Variants in THADA observed in about 807,000 individuals in gnomAD.
The protein encoded by THADA is THADA armadillo repeat containing, also known as tRNA (32-2'-O)-methyltransferase regulator THADA.
In THADA, 213 loss-of-function variants were observed where a neutral mutation model predicts 219.8. The observed-to-expected ratio is 0.97, with a 90% CI of 0.87 to 1.09. The LOEUF (loss-of-function observed/expected upper bound fraction) is 1.09, where lower values mean the gene tolerates loss of function less well. Among genes scored for constraint, THADA ranks in the 50% least tolerant of loss-of-function variants. The pLI, the probability that THADA is intolerant of heterozygous loss-of-function variation, is 0.00. For synonymous variants in THADA, 1,018 were observed against 828.9 expected (o/e 1.23, Z -3.92); for missense variants, 2,956 against 2,311.3 (o/e 1.28, Z -5.72).
intron 16 of THADA, among the ~76,000 whole-genome samples, chr2:43,559,336 T>C (rs1296745577): frequency 6.6e-6 from 1 of 152,154 alleles, no homozygotes; most frequent in Admixed American, 6.6e-5. Context: ...AGATAGATGT[T>C]CTACATAGCC....
At chr2:43,332,111 A>T (rs911348409) in intron 30 of THADA, among the ~76,000 whole-genome samples, 5 of 152,174 alleles carry the variant, frequency 3.3e-5, no homozygotes, top group Admixed American at 3.3e-4. Flanking sequence ...TTTGAGACAG[A>T]ATCTTGCTCT....
rs1558527804 is a variant in THADA at position 43,291,473 on chromosome 2, A to AAAAAAAAAAAAAAAAAAAAAAAC, written c.5010+222_5010+223insGTTTTTTTTTTTTTTTTTTTTTT. ...CCATCTCAAAAAAAAAAAAAAAAAA[A>AAAAAAAAAAAAAAAAAAAAAAAC]AAAAAAAAATCCTAAAACAAGAGAA... On this transcript the variant is annotated intron_variant, in intron 34 of 37. Coordinates refer to ENST00000405975, the MANE Select transcript of THADA (RefSeq NM_022065.5). Among the ~76,000 whole-genome samples, 10 of 146,852 alleles carry AAAAAAAAAAAAAAAAAAAAAAAC rather than the reference A, an allele frequency of 6.8e-5. 1 individual carries two copies. The highest frequency in any genetic ancestry group is 2.3e-4 in the African/African-American group (9 of 39,596).
At chr2:43,232,036 T>A (rs942210864) in intron 37 of THADA, among the ~76,000 whole-genome samples, 1 of 152,152 alleles carries the variant, frequency 6.6e-6, no homozygotes, top group Non-Finnish European at 1.5e-5. Flanking sequence ...AGCAGGAAGT[T>A]CCCAGCAAAG....
At chr2:43,274,501 T>C (rs1312789580) in intron 36 of THADA, among the ~76,000 whole-genome samples, 6 of 152,068 alleles carry the variant, frequency 3.9e-5, no homozygotes, top group Admixed American at 3.9e-4. Context: ...TGAGGGCTAG[T>C]TGGGAAGAGA....
chr2:43,484,240 T>C (rs1397122104), intron 26 of THADA: 1 of 164,580 alleles, frequency 6.1e-6, no homozygotes, highest in Non-Finnish European at 1.5e-5. Flanking sequence ...AATACCATAG[T>C]AGGTTTCATT....
intron 36 of THADA, among the ~76,000 whole-genome samples, chr2:43,253,522 G>A (rs187320965): frequency 1.4e-4 from 21 of 152,162 alleles, no homozygotes; most frequent in East Asian, 9.7e-4. Context: ...CAGTGTTTGC[G>A]TGGGTGACCA....
intron 36 of THADA, among the ~76,000 whole-genome samples, chr2:43,257,645 A>C (rs1012254901): frequency 2.6e-5 from 4 of 152,240 alleles, no homozygotes; most frequent in African/African-American, 9.6e-5. Context: ...CTCAAGGTGA[A>C]GGTCAGTGAT....
chr2:43,354,165 A>T (rs1287984255), intron 29 of THADA, among the ~76,000 whole-genome samples: 1 of 151,926 alleles, frequency 6.6e-6, no homozygotes, highest in Non-Finnish European at 1.5e-5. Flanking sequence ...CATGTTGACC[A>T]GGCTGGTCTT....
At chr2:43,587,491 T>C (rs1322160374) in intron 4 of THADA, among the ~76,000 whole-genome samples, 2 of 152,208 alleles carry the variant, frequency 1.3e-5, no homozygotes, top group East Asian at 1.9e-4. Context: ...CCTTGCTCTG[T>C]TCTGACATAC....
intron 36 of THADA, among the ~76,000 whole-genome samples, chr2:43,238,409 C>G (rs1333043912): frequency 6.6e-6 from 1 of 152,072 alleles, no homozygotes; most frequent in Non-Finnish European, 1.5e-5. Context: ...AAATGCAAAT[C>G]AAAACCCCAG....
chr2:43,370,771 G>T (rs922108173), intron 29 of THADA, among the ~76,000 whole-genome samples: 4 of 152,190 alleles, frequency 2.6e-5, no homozygotes, highest in East Asian at 1.9e-4. Context: ...AGCTTCAAAT[G>T]TAAGTAATGA....
intron 30 of THADA, among the ~76,000 whole-genome samples, chr2:43,321,098 A>G (rs1422237598): frequency 1.3e-5 from 2 of 152,224 alleles, no homozygotes; most frequent in Admixed American, 6.5e-5. Flanking sequence ...CATTCAATAT[A>G]TGGAGCAGCT....
At chr2:43,418,277 C>A (rs1677258977) in intron 28 of THADA, among the ~76,000 whole-genome samples, 1 of 152,188 alleles carries the variant, frequency 6.6e-6, no homozygotes, top group Non-Finnish European at 1.5e-5. Flanking sequence ...TACTTGCTAC[C>A]TCAAACTGAT....
chr2:43,591,627 A>T (rs1701580684), intron 3 of THADA, among the ~76,000 whole-genome samples: 1 of 152,144 alleles, frequency 6.6e-6, no homozygotes, highest in Non-Finnish European at 1.5e-5. Flanking sequence ...TATAATCTTT[A>T]TATTTTAAAT....
chr2:43,344,336 G>A (rs1000850513), intron 29 of THADA, 99 bp from the exon 30 acceptor site: 1 of 782,558 alleles, frequency 1.3e-6, no homozygotes, highest in Non-Finnish European at 2.0e-6. Context: ...TCCCCTCAAA[G>A]AAAACAGACA....
At chr2:43,333,937 G>A (rs1332073362) in intron 30 of THADA, among the ~76,000 whole-genome samples, 6 of 152,204 alleles carry the variant, frequency 3.9e-5, no homozygotes, top group Admixed American at 3.9e-4. Context: ...TTCTGCCTGG[G>A]AAGTGTAAGT....
chr2:43,491,127 T>C (rs990102570), intron 25 of THADA, among the ~76,000 whole-genome samples: 1 of 152,184 alleles, frequency 6.6e-6, no homozygotes, highest in African/African-American at 2.4e-5. Flanking sequence ...TCATCCATAT[T>C]TTCTGTTCCC....
chr2:43,362,767 C>A (rs946406723), intron 29 of THADA, among the ~76,000 whole-genome samples: 2 of 152,204 alleles, frequency 1.3e-5, no homozygotes, highest in Non-Finnish European at 2.9e-5. Flanking sequence ...TTTTTAAAAA[C>A]TGTTTGTTTT....
chr2:43,421,681 T>C (rs895555584), intron 28 of THADA, among the ~76,000 whole-genome samples: 4 of 152,228 alleles, frequency 2.6e-5, no homozygotes, highest in Admixed American at 2.0e-4. Context: ...TGGAGAAAAA[T>C]ACAGGAACCA....
Sources: allele counts gnomAD v4.1 joint callset (sites outside exome capture counted in the v4.1 genomes callset), GRCh38; gene constraint gnomAD v4.1.1; transcripts MANE v1.5; gene names NCBI Gene and HGNC (gene_info 2026-07-23, HGNC 2026-07-21).